RNF145: variants seen among roughly 807,000 people sequenced by gnomAD.
The protein encoded by RNF145 is ring finger protein 145.
A neutral mutation model predicts 57.3 loss-of-function variants in RNF145; 12 were observed. That is an observed-to-expected ratio of 0.21 (90% CI 0.13 to 0.34). The LOEUF is 0.34. Among genes scored for constraint, RNF145 ranks in the 10% least tolerant of loss-of-function variants. The probability of loss-of-function intolerance (pLI) is 1.00; values close to 1 mark genes in which losing one functional copy is unlikely to be tolerated. For missense variants in RNF145, 429 were observed against 799.0 expected (o/e 0.54, Z 5.58); for synonymous variants, 262 against 288.3 (o/e 0.91, Z 0.92).
chr5:159,172,499 T>C (rs945163312), intron 6 of RNF145, among the ~76,000 whole-genome samples: 1 of 151,862 alleles, frequency 6.6e-6, no homozygotes. Context: ...AAAGTCTGCA[T>C]AAAACCTCCA....
rs112776687 is a variant in RNF145, at chr5:159,200,903, T to C, written c.184+2531A>G. Among the ~76,000 whole-genome samples, 261 of 152,336 alleles carry C rather than the reference T, an allele frequency of 1.7e-3. 1 individual carries two copies. Among genetic ancestry groups the C allele is most frequent in the African/African-American group, 5.5e-3 (230 of 41,572 alleles). ...AATAGAAATGCAAACTAAAACTACA[T>C]TGAGTTAAAAAAATCAATTTTTCCA... On this transcript the variant is annotated intron_variant, in intron 2 of 10. Transcript: ENST00000424310.
intron 6 of RNF145, among the ~76,000 whole-genome samples, chr5:159,173,274 T>C (rs1416061389): frequency 1.3e-5 from 2 of 152,182 alleles, no homozygotes; most frequent in Admixed American, 1.3e-4. Flanking sequence ...CAGCTATCGT[T>C]AGTGCTAGTG....
In RNF145 at chr5:159,161,621, ACCT is replaced by A; in HGVS notation, c.1270-2_1270del. The A allele has an allele frequency of 1.4e-6, 2 of 1,420,904 alleles. No homozygotes were observed. The highest frequency in any genetic ancestry group is 2.5e-5 in the Admixed American group (1 of 40,680). 88.0% of individuals were successfully genotyped at this position (1,420,904 alleles called of 1,614,324 possible). On this transcript the variant is annotated splice_acceptor_variant and coding_sequence_variant, in exon 10 of 11. Transcript: ENST00000424310. LOFTEE classifies it high-confidence loss of function. Reference sequence around the variant, plus strand: ...GACATAAATAAAAAGTGTTCCCAGAACCTGAAAAAAAAAAAAAAATGTACGTAT... The same window carrying A: ...GACATAAATAAAAAGTGTTCCCAGAAGAAAAAAAAAAAAAAATGTACGTAT...
At chr5:159,192,665 T>C (rs897171392) in intron 3 of RNF145, among the ~76,000 whole-genome samples, 2 of 152,238 alleles carry the variant, frequency 1.3e-5, no homozygotes, top group African/African-American at 4.8e-5. Flanking sequence ...AAGAGCTTTA[T>C]ATACCTTATC....
rs1370930580 is a variant in RNF145 at position 159,181,948 on chromosome 5, TATA to T, written c.385+9_385+11del. 1 of 1,492,510 alleles carries T rather than the reference TATA, an allele frequency of 6.7e-7. No individual in the cohort carries two copies. The highest frequency in any genetic ancestry group is 9.3e-7 in the Non-Finnish European group (1 of 1,072,004). The allele number at this position is 1,492,510 out of a possible 1,614,324, so 92.5% of individuals were successfully genotyped here. On this transcript the variant is annotated intron_variant, in intron 4 of 10. Transcript: ENST00000424310. ...GTTCCTACCTACACTTTAATTCTTT[TATA>T]ATACTTACCTATTAAGGCTGTGGTA...
intron 8 of RNF145, among the ~76,000 whole-genome samples, chr5:159,167,760 T>G (rs1432612982): frequency 6.6e-6 from 1 of 152,152 alleles, no homozygotes; most frequent in African/African-American, 2.4e-5. Context: ...ATCTGAAACA[T>G]GTCTAATAGT....
intron 2 of RNF145, among the ~76,000 whole-genome samples, chr5:159,196,929 C>T (rs1325275584): frequency 6.6e-6 from 1 of 152,160 alleles, no homozygotes; most frequent in Non-Finnish European, 1.5e-5. Context: ...AATCAGCGGC[C>T]AAATCTTCTA....
chr5:159,203,311 T>A (rs1006692318), intron 2 of RNF145, 123 bp downstream of exon 2: 1 of 662,734 alleles, frequency 1.5e-6, no homozygotes, highest in African/African-American at 1.8e-5. Flanking sequence ...TAAACACTCA[T>A]CAATAACTAT....
At chr5:159,170,829 G>A (rs1384600480) in intron 6 of RNF145, among the ~76,000 whole-genome samples, 1 of 152,156 alleles carries the variant, frequency 6.6e-6, no homozygotes, top group African/African-American at 2.4e-5. Context: ...TGCCTCAAGC[G>A]ATCCTCCCAC....
chr5:159,194,494 C>T (rs557121270), intron 3 of RNF145, among the ~76,000 whole-genome samples: 1 of 152,278 alleles, frequency 6.6e-6, no homozygotes, highest in South Asian at 2.1e-4. Flanking sequence ...TAAACATAAC[C>T]TTAAGGCTTG....
chr5:159,189,716 G>A (rs1785217838), intron 3 of RNF145, among the ~76,000 whole-genome samples: 1 of 152,218 alleles, frequency 6.6e-6, no homozygotes, highest in African/African-American at 2.4e-5. Flanking sequence ...ATAATTGGAT[G>A]TATAAACAAA....
chr5:159,207,359 T>C (rs767413951), intron 1 of RNF145: 7 of 680,150 alleles, frequency 1.0e-5, no homozygotes, highest in Non-Finnish European at 1.4e-5. Flanking sequence ...CCTCCTAAAC[T>C]TTTTTTTAAA....
intron 3 of RNF145, among the ~76,000 whole-genome samples, chr5:159,187,096 C>G (rs1168536631): frequency 6.6e-6 from 1 of 151,444 alleles, no homozygotes; most frequent in East Asian, 2.0e-4. Context: ...GCCTGGCCAA[C>G]ATGGTGAAAG....
Position 159,194,831 on chromosome 5 carries a change from C to G in RNF145, c.185-7G>C. The G allele has an allele frequency of 9.1e-6, 14 of 1,540,984 alleles. No individual in the cohort carries two copies. Among genetic ancestry groups the G allele is most frequent in the Non-Finnish European group, 1.2e-5 (14 of 1,128,586 alleles). On this transcript the variant is annotated splice_polypyrimidine_tract_variant and splice_region_variant and intron_variant, in intron 2 of 10. Coordinates refer to ENST00000424310, the MANE Select transcript of RNF145 (RefSeq NM_001199383.2). Reference sequence around the variant, plus strand: ...ACCACACTTAAGATATAACCTGTACCAGAAAGATAAATAAAATACAATTTT... The same window carrying G: ...ACCACACTTAAGATATAACCTGTACGAGAAAGATAAATAAAATACAATTTT...
At chr5:159,172,031 A>G (rs752706867) in intron 6 of RNF145, among the ~76,000 whole-genome samples, 75 of 152,222 alleles carry the variant, frequency 4.9e-4, no homozygotes, top group Non-Finnish European at 4.0e-4. Flanking sequence ...ATGGCTTAGT[A>G]AATTGTTAAG....
intron 1 of RNF145, chr5:159,207,655 C>T (rs1260324800): frequency 6.2e-6 from 10 of 1,610,866 alleles, no homozygotes; most frequent in African/African-American, 1.3e-5. Context: ...AACTGAGATA[C>T]CAGGAAAGAG....
rs147360961 is a variant in RNF145 at position 159,200,373 on chromosome 5, C to T, written c.184+3061G>A. On this transcript the variant is annotated intron_variant, in intron 2 of 10. Coordinates refer to ENST00000424310, the MANE Select transcript of RNF145 (RefSeq NM_001199383.2). ...AGCGTGTTAATAGTTCACAAACAGG[C>T]AGACAGACTAAAGGAAGAGAAGTTC... Among the ~76,000 whole-genome samples, 792 of 151,970 alleles carry T rather than the reference C, an allele frequency of 5.2e-3. 9 individuals carry two copies. The highest frequency in any genetic ancestry group is 0.018 in the African/African-American group (753 of 41,438).
In RNF145 at chr5:159,203,491, G is replaced by A; in HGVS notation, c.127C>T (p.Leu43Phe). ...TACTGGAAAAGAGGGTTATTACTAAGGCTACTTCTTTGGATCTGCTGGAAA... is the reference window on the plus strand; with the variant it reads ...TACTGGAAAAGAGGGTTATTACTAAAGCTACTTCTTTGGATCTGCTGGAAA... ...SFFQQIQRSSLSNNPLFQYKY... is the reference protein window; with the variant it reads ...SFFQQIQRSSFSNNPLFQYKY... The change falls in exon 2 of 11, where the codon CTT (leucine) becomes TTT (phenylalanine). Residue 43 changes from leucine to phenylalanine, a missense_variant. Transcript: ENST00000424310. 1 of 1,614,074 alleles carries A rather than the reference G, an allele frequency of 6.2e-7. No individual in the cohort carries two copies. Among genetic ancestry groups the A allele is most frequent in the Non-Finnish European group, 8.5e-7 (1 of 1,179,978 alleles).
chr5:159,200,030 C>T (rs1168721217), intron 2 of RNF145, among the ~76,000 whole-genome samples: 2 of 152,110 alleles, frequency 1.3e-5, no homozygotes, highest in Non-Finnish European at 1.5e-5. Context: ...AGATAAAATA[C>T]CTAGAAACAA....
Sources: gnomAD v4.1 joint callset for allele counts (sites outside exome capture counted in the v4.1 genomes callset) on GRCh38, gnomAD v4.1.1 for gene constraint, MANE v1.5 for transcripts, NCBI Gene and HGNC (gene_info 2026-07-23, HGNC 2026-07-21) for gene names.